Variants in BMERB1 observed in about 807,000 individuals in gnomAD.
BMERB1 encodes the protein bMERB domain-containing protein 1.
A neutral mutation model predicts 23.6 loss-of-function variants in BMERB1; 12 were observed. The ratio of observed to expected loss-of-function variants is 0.51; its 90% CI spans 0.33 to 0.82. The LOEUF is 0.82. Among genes scored for constraint, BMERB1 ranks in the 40% least tolerant of loss-of-function variants. The probability of loss-of-function intolerance (pLI) is 0.03; values close to 1 mark genes in which losing one functional copy is unlikely to be tolerated. For missense variants in BMERB1, 247 were observed against 255.4 expected, an observed-to-expected ratio of 0.97 and a Z score of 0.22; for synonymous variants, 122 against 96.6, an observed-to-expected ratio of 1.26 and a Z score of -1.54.
At chr16:15,504,908 C>T (rs1182828423) in intron 1 of BMERB1, among the ~76,000 whole-genome samples, 1 of 152,046 alleles carries the variant, frequency 6.6e-6, no homozygotes, top group African/African-American at 2.4e-5. Flanking sequence ...GCGGCTGTGA[C>T]CCAAGTATAT....
chr16:15,455,017 T>C (rs1183240900), intron 1 of BMERB1, among the ~76,000 whole-genome samples: 1 of 151,826 alleles, frequency 6.6e-6, no homozygotes, highest in Non-Finnish European at 1.5e-5. Flanking sequence ...CAGAGAAAGC[T>C]GAAATGAAGA....
intron 2 of BMERB1, among the ~76,000 whole-genome samples, chr16:15,516,907 G>C (rs1189150959): frequency 6.6e-6 from 1 of 152,112 alleles, no homozygotes; most frequent in Non-Finnish European, 1.5e-5. Flanking sequence ...ATGCAGTGAG[G>C]CCGTCATAGC....
intron 1 of BMERB1, among the ~76,000 whole-genome samples, chr16:15,474,530 C>T (rs995423818): frequency 1.3e-5 from 2 of 151,972 alleles, no homozygotes; most frequent in African/African-American, 4.8e-5. Context: ...CCACCACACT[C>T]TGCTAAATTT....
chr16:15,470,441 C>T (rs925149961), intron 1 of BMERB1, among the ~76,000 whole-genome samples: 1 of 151,806 alleles, frequency 6.6e-6, no homozygotes, highest in Admixed American at 6.6e-5. Context: ...TGTAGTTTTC[C>T]TTTGTTGTAC....
chr16:15,493,687 C>T (rs1012692389), intron 1 of BMERB1, among the ~76,000 whole-genome samples: 4 of 152,048 alleles, frequency 2.6e-5, no homozygotes, highest in African/African-American at 9.7e-5. Flanking sequence ...CTGCTCTTCC[C>T]TGCGTCCCCC....
chr16:15,446,924 AC>A (rs1307449093), intron 1 of BMERB1, among the ~76,000 whole-genome samples: 1 of 152,194 alleles, frequency 6.6e-6, no homozygotes, highest in African/African-American at 2.4e-5. Flanking sequence ...TTGTAGCTTC[AC>A]AAAGAAAGGC....
intron 2 of BMERB1, among the ~76,000 whole-genome samples, chr16:15,555,063 C>G (rs183586508): frequency 2.0e-5 from 3 of 152,256 alleles, no homozygotes; most frequent in African/African-American, 7.2e-5. Flanking sequence ...AGGCAGACAG[C>G]TGGAAACCCA....
At chr16:15,460,010 C>G (rs538012071) in intron 1 of BMERB1, among the ~76,000 whole-genome samples, 1 of 152,280 alleles carries the variant, frequency 6.6e-6, no homozygotes, top group South Asian at 2.1e-4. Context: ...GTCTTGATCT[C>G]AGAAATCTCA....
At chr16:15,460,465 C>T (rs1479008423) in intron 1 of BMERB1, among the ~76,000 whole-genome samples, 1 of 152,104 alleles carries the variant, frequency 6.6e-6, no homozygotes, top group African/African-American at 2.4e-5. Context: ...CCCTCTTTTT[C>T]ATCTCCCAAC....
intron 2 of BMERB1, among the ~76,000 whole-genome samples, chr16:15,548,677 G>A (rs894137824): frequency 6.6e-6 from 1 of 152,166 alleles, no homozygotes; most frequent in Non-Finnish European, 1.5e-5. Context: ...GATTACTTGC[G>A]TTTTCTTTGT....
chr16:15,511,015 C>A (rs920110161), intron 1 of BMERB1, among the ~76,000 whole-genome samples: 1 of 151,862 alleles, frequency 6.6e-6, no homozygotes, highest in Non-Finnish European at 1.5e-5. Context: ...ATTAATATTT[C>A]GATCCTATTC....
intron 1 of BMERB1, among the ~76,000 whole-genome samples, chr16:15,438,856 TA>T (rs1367040821): frequency 6.6e-6 from 1 of 152,208 alleles, no homozygotes; most frequent in Non-Finnish European, 1.5e-5. Flanking sequence ...ATCCATTCCA[TA>T]AAGCCTGGGC....
intron 3 of BMERB1, among the ~76,000 whole-genome samples, chr16:15,579,160 C>T (rs944442444): frequency 7.2e-5 from 11 of 152,084 alleles, no homozygotes; most frequent in African/African-American, 2.7e-4. Context: ...CAGTGGAGGG[C>T]ACTTGGGAAT....
intron 1 of BMERB1, among the ~76,000 whole-genome samples, chr16:15,466,323 T>C (rs2051180402): frequency 6.6e-6 from 1 of 152,214 alleles, no homozygotes; most frequent in South Asian, 2.1e-4. Flanking sequence ...ATTATTGTGT[T>C]TTCCTGATTT....
intron 1 of BMERB1, among the ~76,000 whole-genome samples, chr16:15,444,691 C>T (rs2050974634): frequency 6.6e-6 from 1 of 152,102 alleles, no homozygotes; most frequent in Non-Finnish European, 1.5e-5. Flanking sequence ...ACATGGTGGT[C>T]CTGCATGGAA....
chr16:15,572,997 C>T (rs568926469), intron 3 of BMERB1, among the ~76,000 whole-genome samples: 1 of 152,306 alleles, frequency 6.6e-6, no homozygotes, highest in African/African-American at 2.4e-5. Flanking sequence ...GCCTCCCCAG[C>T]CACGTGGAAC....
chr16:15,486,810 A>G (rs994071073), intron 1 of BMERB1, among the ~76,000 whole-genome samples: 5 of 152,124 alleles, frequency 3.3e-5, no homozygotes, highest in East Asian at 1.9e-4. Flanking sequence ...CCTGGCCCCA[A>G]TATTTGCTGT....
chr16:15,539,782 G>A (rs1313967935), intron 2 of BMERB1, among the ~76,000 whole-genome samples: 1 of 151,606 alleles, frequency 6.6e-6, no homozygotes, highest in Non-Finnish European at 1.5e-5. Flanking sequence ...GGTGGAGGTT[G>A]CAGTGAGCCG....
At chr16:15,573,913 C>T (rs1231753259) in intron 3 of BMERB1, among the ~76,000 whole-genome samples, 1 of 144,462 alleles carries the variant, frequency 6.9e-6, no homozygotes, top group South Asian at 2.2e-4. Flanking sequence ...GGAGAATGAA[C>T]GCAGGAGGAA....
Sources: allele counts gnomAD v4.1 joint callset (sites outside exome capture counted in the v4.1 genomes callset), GRCh38; gene constraint gnomAD v4.1.1; transcripts MANE v1.5; gene names NCBI Gene and HGNC (gene_info 2026-07-23, HGNC 2026-07-21).